The following PRICKLE2 variants were observed in gnomAD, a reference collection of about 807,000 sequenced individuals.
The protein encoded by PRICKLE2 is prickle-like protein 2.
A neutral mutation model predicts 81.4 loss-of-function variants in PRICKLE2; 21 were observed. The ratio of observed to expected loss-of-function variants is 0.26; its 90% CI spans 0.18 to 0.37. The LOEUF is 0.37. Ranked by LOEUF, PRICKLE2 falls within the 10% of genes least tolerant of loss-of-function variation. PRICKLE2 has a pLI of 1.00. For missense variants in PRICKLE2, 940 were observed against 1,109.0 expected (o/e 0.85, Z 2.16); for synonymous variants, 456 against 421.5 (o/e 1.08, Z -1.00).
chr3:64,173,472 T>G (rs1227517725), intron 2 of PRICKLE2, among the ~76,000 whole-genome samples: 1 of 152,130 alleles, frequency 6.6e-6, no homozygotes, highest in Non-Finnish European at 1.5e-5. Flanking sequence ...AAAAATATAA[T>G]TTATTTAATT....
intron 6 of PRICKLE2, among the ~76,000 whole-genome samples, chr3:64,148,347 C>T (rs1265990228): frequency 2.0e-5 from 3 of 152,214 alleles, no homozygotes; most frequent in Non-Finnish European, 4.4e-5. Context: ...AGCATTAATA[C>T]CGCTTTACAT....
chr3:64,259,031 T>C (rs993650406), intron 2 of PRICKLE2, among the ~76,000 whole-genome samples: 1 of 152,108 alleles, frequency 6.6e-6, no homozygotes, highest in Admixed American at 6.5e-5. Flanking sequence ...TGAACACCTA[T>C]GATAAGTTCA....
intron 2 of PRICKLE2, among the ~76,000 whole-genome samples, chr3:64,185,591 C>T (rs1471462535): frequency 1.3e-5 from 2 of 152,122 alleles, no homozygotes; most frequent in Non-Finnish European, 2.9e-5. Flanking sequence ...TGAGTTTCTA[C>T]CCCAAATCTC....
intron 2 of PRICKLE2, among the ~76,000 whole-genome samples, chr3:64,241,814 G>C (rs371761088): frequency 1.3e-5 from 2 of 152,112 alleles, no homozygotes; most frequent in South Asian, 4.1e-4. Context: ...CCTGATTGTC[G>C]GCAGCCCCAA....
intron 2 of PRICKLE2, among the ~76,000 whole-genome samples, chr3:64,238,881 G>A (rs564517676): frequency 6.6e-6 from 1 of 152,298 alleles, no homozygotes; most frequent in South Asian, 2.1e-4. Flanking sequence ...TACAGCGAGG[G>A]CATCTGAAGC....
At chr3:64,186,298 G>T (rs1254192685) in intron 2 of PRICKLE2, among the ~76,000 whole-genome samples, 1 of 152,222 alleles carries the variant, frequency 6.6e-6, no homozygotes, top group East Asian at 1.9e-4. Flanking sequence ...CTATGCTGTA[G>T]TTAAGTACTG....
chr3:64,262,189 C>T (rs1293833004), intron 2 of PRICKLE2, among the ~76,000 whole-genome samples: 1 of 152,110 alleles, frequency 6.6e-6, no homozygotes, highest in Non-Finnish European at 1.5e-5. Context: ...TCAGTCCTCC[C>T]TCCCTCTCAC....
At chr3:64,233,075 C>A (rs2079129306) in intron 2 of PRICKLE2, among the ~76,000 whole-genome samples, 1 of 152,204 alleles carries the variant, frequency 6.6e-6, no homozygotes, top group East Asian at 1.9e-4. Flanking sequence ...AAGCCTAATA[C>A]ATTTACACTC....
intron 1 of PRICKLE2, among the ~76,000 whole-genome samples, chr3:64,209,815 A>T (rs950636791): frequency 6.6e-6 from 1 of 152,240 alleles, no homozygotes; most frequent in Non-Finnish European, 1.5e-5. Context: ...ACAGATTGTG[A>T]TAAGTGTTAT....
At chr3:64,241,748 C>G (rs998539814) in intron 2 of PRICKLE2, among the ~76,000 whole-genome samples, 1 of 152,170 alleles carries the variant, frequency 6.6e-6, no homozygotes, top group Non-Finnish European at 1.5e-5. Context: ...GCTTCCTTCA[C>G]AGGAATGCTG....
chr3:64,240,820 G>C (rs1374671207), intron 2 of PRICKLE2, among the ~76,000 whole-genome samples: 1 of 152,184 alleles, frequency 6.6e-6, no homozygotes, highest in Non-Finnish European at 1.5e-5. Flanking sequence ...CTCTCCAGGG[G>C]ATTAGGCACA....
chr3:64,116,315 A>T (rs1229109060), intron 7 of PRICKLE2, among the ~76,000 whole-genome samples: 1 of 152,210 alleles, frequency 6.6e-6, no homozygotes, highest in Non-Finnish European at 1.5e-5. Flanking sequence ...AAGAAATCCC[A>T]AAACTAGCCG....
At chr3:64,107,745 G>A (rs1333132184) in intron 7 of PRICKLE2, among the ~76,000 whole-genome samples, 2 of 152,150 alleles carry the variant, frequency 1.3e-5, no homozygotes, top group African/African-American at 2.4e-5. Flanking sequence ...TACTGGGGAG[G>A]CTGAGGCAGT....
chr3:64,127,466 A>G (rs1290182515), intron 7 of PRICKLE2, among the ~76,000 whole-genome samples: 1 of 152,168 alleles, frequency 6.6e-6, no homozygotes, highest in Non-Finnish European at 1.5e-5. Context: ...GCAATTTTAC[A>G]TATCCAACCT....
At chr3:64,251,868 T>G (rs1187511958) in intron 2 of PRICKLE2, among the ~76,000 whole-genome samples, 1 of 152,220 alleles carries the variant, frequency 6.6e-6, no homozygotes, top group Non-Finnish European at 1.5e-5. Context: ...TCAACAAATA[T>G]TTACTAAGCT....
chr3:64,156,549 C>T (rs1345879754), intron 5 of PRICKLE2, among the ~76,000 whole-genome samples: 1 of 152,136 alleles, frequency 6.6e-6, no homozygotes, highest in African/African-American at 2.4e-5. Context: ...GTAGGGTGTG[C>T]TTCTAGTAGG....
At chr3:64,250,914 A>G (rs1335126440) in intron 2 of PRICKLE2, among the ~76,000 whole-genome samples, 8 of 152,128 alleles carry the variant, frequency 5.3e-5, no homozygotes, top group Non-Finnish European at 1.0e-4. Flanking sequence ...TCTAAACTCA[A>G]TGTGGCCTTT....
At chr3:64,151,196 T>G (rs1024074370) in intron 6 of PRICKLE2, among the ~76,000 whole-genome samples, 3 of 152,250 alleles carry the variant, frequency 2.0e-5, no homozygotes, top group Non-Finnish European at 2.9e-5. Context: ...GACTGAGGTA[T>G]GCATGCTATA....
At chr3:64,125,220 G>A (rs1433145695) in intron 7 of PRICKLE2, among the ~76,000 whole-genome samples, 1 of 151,978 alleles carries the variant, frequency 6.6e-6, no homozygotes, top group Non-Finnish European at 1.5e-5. Context: ...TGGATGAATT[G>A]TTGCTTTTTA....
Sources: allele counts gnomAD v4.1 joint callset (sites outside exome capture counted in the v4.1 genomes callset), GRCh38; gene constraint gnomAD v4.1.1; transcripts MANE v1.5; gene names NCBI Gene and HGNC (gene_info 2026-07-23, HGNC 2026-07-21).